Variants in PLCG2 observed in about 807,000 individuals in gnomAD.
The protein encoded by PLCG2 is phospholipase C gamma 2.
In PLCG2, 69 loss-of-function variants were observed where a neutral mutation model predicts 175.6. The ratio of observed to expected loss-of-function variants is 0.39; its 90% CI spans 0.32 to 0.48. The LOEUF (loss-of-function observed/expected upper bound fraction) is 0.48, where lower values mean the gene tolerates loss of function less well. PLCG2 is among the 20% of genes least tolerant of loss of function. The pLI is 0.91. For missense variants in PLCG2, 1,798 were observed against 1,650.9 expected, an observed-to-expected ratio of 1.09 and a Z score of -1.54; for synonymous variants, 827 against 624.0, an observed-to-expected ratio of 1.33 and a Z score of -4.85.
intron 2 of PLCG2, among the ~76,000 whole-genome samples, chr16:81,824,236 C>T (rs1381295036): frequency 6.6e-6 from 1 of 151,488 alleles, no homozygotes; most frequent in African/African-American, 2.4e-5. Context: ...CGGCTTCAAG[C>T]AATTCTCCTC....
chr16:81,766,034 T>G (rs2143097865), intron 2 of PLCG2, among the ~76,000 whole-genome samples: 1 of 152,332 alleles, frequency 6.6e-6, no homozygotes, highest in Non-Finnish European at 1.5e-5. Flanking sequence ...TTTTTTAACT[T>G]TGTAAATGAG....
intron 1 of PLCG2, among the ~76,000 whole-genome samples, chr16:81,784,567 TAAC>T (rs1322690232): frequency 6.6e-6 from 1 of 152,002 alleles, no homozygotes; most frequent in Non-Finnish European, 1.5e-5. Flanking sequence ...AGCTACAGAG[TAAC>T]AACTCCAGGC....
intron 7 of PLCG2, among the ~76,000 whole-genome samples, chr16:81,872,690 C>A (rs1175240436): frequency 6.6e-6 from 1 of 152,210 alleles, no homozygotes; most frequent in Non-Finnish European, 1.5e-5. Context: ...AAAGAGTTCC[C>A]AGAGAAAGGT....
At position 81,958,204 on chromosome 16, in the gene PLCG2, T is replaced by A; in HGVS notation, c.*206T>A. 1 of 584,634 alleles carries A rather than the reference T, an allele frequency of 1.7e-6. No homozygotes were observed. The highest frequency in any genetic ancestry group is 3.1e-6 in the Non-Finnish European group (1 of 320,126). 36.2% of individuals were successfully genotyped at this position (584,634 alleles called of 1,614,324 possible). Reference sequence around the variant, plus strand: ...CATCTTGGACAACTTTCTTAACTTATATTCTTTATAGAGGATTCCCCAAAA... The same window carrying A: ...CATCTTGGACAACTTTCTTAACTTAAATTCTTTATAGAGGATTCCCCAAAA... On this transcript the variant is annotated 3_prime_UTR_variant, in exon 33 of 33. Transcript: ENST00000564138.
chr16:81,797,901 G>T (rs1051609922), intron 2 of PLCG2, among the ~76,000 whole-genome samples: 4 of 151,584 alleles, frequency 2.6e-5, no homozygotes, highest in African/African-American at 9.7e-5. Flanking sequence ...CACAATTTCA[G>T]TTCACTGCAA....
chr16:81,954,919 TC>T (rs1430202081), intron 31 of PLCG2, among the ~76,000 whole-genome samples: 1 of 152,238 alleles, frequency 6.6e-6, no homozygotes, highest in African/African-American at 2.4e-5. Context: ...CACCATACTG[TC>T]TTCCACAATG....
intron 1 of PLCG2, among the ~76,000 whole-genome samples, chr16:81,785,414 AT>A (rs1251886708): frequency 6.6e-6 from 1 of 152,046 alleles, no homozygotes; most frequent in East Asian, 1.9e-4. Context: ...CCTGCCTTTC[AT>A]CCTCATTTCT....
rs5818362 is a variant in PLCG2 at position 81,941,703 on chromosome 16, CT to C, written c.3481+1656del. Among the ~76,000 whole-genome samples, 486 of 145,980 alleles carry C rather than the reference CT, an allele frequency of 3.3e-3. 3 individuals are homozygous for C. Among genetic ancestry groups the C allele is most frequent in the South Asian group, 0.019 (89 of 4,584 alleles). ...AACTCACCCACACTGTAAACTCCCC[CT>C]TTTTTTTTTTTGAGATGGAGTCTTG... On this transcript the variant is annotated intron_variant, in intron 30 of 32. Transcript: ENST00000564138.
chr16:81,945,997 C>T (rs1387924368), intron 30 of PLCG2, among the ~76,000 whole-genome samples, 178 bp from the exon 31 acceptor site: 3 of 152,176 alleles, frequency 2.0e-5, no homozygotes, highest in Non-Finnish European at 2.9e-5. Flanking sequence ...TGGCTGCCGG[C>T]CTCTGTCCCT....
chr16:81,826,921 T>G (rs1905070895), intron 2 of PLCG2, among the ~76,000 whole-genome samples: 1 of 152,220 alleles, frequency 6.6e-6, no homozygotes, highest in South Asian at 2.1e-4. Flanking sequence ...CTGCTGGAGA[T>G]CCGCAGAACC....
chr16:81,902,821 A>G (rs1363410599), intron 14 of PLCG2, among the ~76,000 whole-genome samples: 1 of 152,210 alleles, frequency 6.6e-6, no homozygotes, highest in Non-Finnish European at 1.5e-5. Context: ...CCTCACAATC[A>G]TGTCAGAAGG....
At chr16:81,932,814 C>T (rs1361376922) in intron 25 of PLCG2, among the ~76,000 whole-genome samples, 1 of 152,250 alleles carries the variant, frequency 6.6e-6, no homozygotes, top group Non-Finnish European at 1.5e-5. Flanking sequence ...CCTAATTCTT[C>T]CCATGGCTTT....
At chr16:81,771,298 G>A (rs1032922913) in intron 2 of PLCG2, among the ~76,000 whole-genome samples, 2 of 152,294 alleles carry the variant, frequency 1.3e-5, no homozygotes, top group East Asian at 1.9e-4. Flanking sequence ...TGTTGTCACA[G>A]CTCACTGCAG....
At chr16:81,784,378 C>A (rs1377106703) in intron 1 of PLCG2, among the ~76,000 whole-genome samples, 1 of 152,214 alleles carries the variant, frequency 6.6e-6, no homozygotes, top group Non-Finnish European at 1.5e-5. Flanking sequence ...CCCAGCTGCC[C>A]CTTGTGGGCA....
chr16:81,802,249 A>G (rs1911761300), intron 2 of PLCG2, among the ~76,000 whole-genome samples: 1 of 151,120 alleles, frequency 6.6e-6, no homozygotes, highest in African/African-American at 2.4e-5. Flanking sequence ...AGTAGTTGGG[A>G]TTACAGGCGC....
intron 32 of PLCG2, 42 bp downstream of exon 32, chr16:81,956,921 C>G (rs1482645665): frequency 1.3e-6 from 2 of 1,550,136 alleles, no homozygotes; most frequent in Admixed American, 1.7e-5. Flanking sequence ...TGGGGGGTCT[C>G]TAGGCACGGT....
At chr16:81,843,494 C>G (rs1324796472) in intron 2 of PLCG2, among the ~76,000 whole-genome samples, 1 of 152,160 alleles carries the variant, frequency 6.6e-6, no homozygotes, top group Non-Finnish European at 1.5e-5. Context: ...TTGAAACACC[C>G]CAGCCAATTT....
intron 2 of PLCG2, among the ~76,000 whole-genome samples, chr16:81,796,889 T>C (rs187816824): frequency 1.4e-3 from 213 of 152,316 alleles, no homozygotes; most frequent in African/African-American, 4.8e-3. Context: ...TGGTATTTCA[T>C]GAGTGGCAGG....
chr16:81,861,618 T>G (rs978565309), intron 5 of PLCG2, among the ~76,000 whole-genome samples: 1 of 152,176 alleles, frequency 6.6e-6, no homozygotes, highest in South Asian at 2.1e-4. Context: ...GTGCTTGTGT[T>G]GGAAGATTTG....
Sources: allele counts gnomAD v4.1 joint callset (sites outside exome capture counted in the v4.1 genomes callset), GRCh38; gene constraint gnomAD v4.1.1; transcripts MANE v1.5; gene names NCBI Gene and HGNC (gene_info 2026-07-23, HGNC 2026-07-21).